Variants in UNC13C observed in about 807,000 individuals in gnomAD.
The protein encoded by UNC13C is unc-13 homolog C, also known as protein unc-13 homolog C.
In UNC13C, 174 loss-of-function variants were observed where a neutral mutation model predicts 245.4. The ratio of observed to expected loss-of-function variants is 0.71; its 90% CI spans 0.63 to 0.80. The LOEUF (loss-of-function observed/expected upper bound fraction) is 0.80. Among genes scored for constraint, UNC13C ranks in the 30% least tolerant of loss-of-function variants. The pLI is 0.00. For synonymous variants in UNC13C, 992 were observed against 895.1 expected, an observed-to-expected ratio of 1.11 and a Z score of -1.93; for missense variants, 2,829 against 2,602.9, an observed-to-expected ratio of 1.09 and a Z score of -1.89.
chr15:54,405,862 A>G (rs140161275), intron 18 of UNC13C, among the ~76,000 whole-genome samples: 2 of 152,290 alleles, frequency 1.3e-5, no homozygotes, highest in African/African-American at 4.8e-5. Flanking sequence ...ACTAAGTTAT[A>G]TTCTGGCTGC....
intron 25 of UNC13C, among the ~76,000 whole-genome samples, chr15:54,531,117 A>T (rs1241717948): frequency 1.3e-5 from 2 of 152,172 alleles, no homozygotes; most frequent in African/African-American, 4.8e-5. Flanking sequence ...GATGTTGAGT[A>T]TGAGAAACTC....
intron 18 of UNC13C, among the ~76,000 whole-genome samples, chr15:54,395,819 T>C (rs188553875): frequency 1.1e-3 from 174 of 151,888 alleles, no homozygotes; most frequent in African/African-American, 3.9e-3. Context: ...TGTTGACTAA[T>C]GTATATTCAG....
At chr15:53,895,381 T>TAA in the UNC13C span, among the ~76,000 whole-genome samples, 1 of 150,890 alleles carries the variant, frequency 6.6e-6, no homozygotes, top group African/African-American at 2.4e-5. Context: ...GAAAGAAATT[T>TAA]TGTGTCATGT....
At chr15:54,392,684 C>T (rs962548520) in intron 17 of UNC13C, among the ~76,000 whole-genome samples, 1 of 151,832 alleles carries the variant, frequency 6.6e-6, no homozygotes, top group African/African-American at 2.4e-5. Flanking sequence ...ATTCAATCTT[C>T]ATCCTTGGAA....
intron 32 of UNC13C, among the ~76,000 whole-genome samples, chr15:54,624,692 A>G (rs1901026237): frequency 6.6e-6 from 1 of 152,196 alleles, no homozygotes; most frequent in Admixed American, 6.6e-5. Flanking sequence ...GGCAATAGCT[A>G]TTAGTGACTA....
At chr15:53,892,002 T>C in the UNC13C span, among the ~76,000 whole-genome samples, 4 of 152,206 alleles carry the variant, frequency 2.6e-5, no homozygotes, top group Non-Finnish European at 4.4e-5. Flanking sequence ...CTGGTACCGG[T>C]TGTTCCTTTC....
At chr15:54,330,972 G>A (rs1318648507) in intron 14 of UNC13C, among the ~76,000 whole-genome samples, 2 of 151,950 alleles carry the variant, frequency 1.3e-5, no homozygotes, top group Non-Finnish European at 2.9e-5. Flanking sequence ...TCTGATGATG[G>A]CAGTTTATTC....
intron 19 of UNC13C, among the ~76,000 whole-genome samples, chr15:54,450,683 G>A (rs778281460): frequency 6.6e-6 from 1 of 152,212 alleles, no homozygotes; most frequent in East Asian, 1.9e-4. Context: ...GCTTTGCTTG[G>A]CTAGTAAAGG....
Position 54,546,782 on chromosome 15 carries a change from A to C in UNC13C, c.5757A>C (p.Leu1919Phe), listed in dbSNP as rs1293672136. The change falls in exon 27 of 33, where the codon TTA becomes TTC. Residue 1919 changes from leucine (L) to phenylalanine (F), a missense_variant. Leu to Phe is a conservative substitution (Grantham distance 22). Transcript: ENST00000260323. ...TCCTAAAGCGAGTTTTAAAAGAGTT[A>C]TGGAAGCTAGTTCTCAACAAAATAG... ...KTVLKRVLKE[L>F]WKLVLNKIEK... is the part of the protein sequence containing the mutation. 6.4e-7 allele frequency: 1 copy of C among 1,565,154 alleles called. No homozygotes were observed. Among genetic ancestry groups the C allele is most frequent in the East Asian group, 2.3e-5 (1 of 43,006 alleles).
the UNC13C span, among the ~76,000 whole-genome samples, chr15:53,929,048 G>A: frequency 2.0e-5 from 3 of 152,104 alleles, no homozygotes; most frequent in African/African-American, 7.2e-5. Context: ...CCTAAGACTG[G>A]GTAATTTATA....
At chr15:54,626,197 C>T (rs1174995150) in intron 32 of UNC13C, among the ~76,000 whole-genome samples, 4 of 152,058 alleles carry the variant, frequency 2.6e-5, no homozygotes, top group African/African-American at 9.7e-5. Context: ...CACTAACAAG[C>T]TGTCTTAGGT....
chr15:54,567,160 C>G (rs1180389796), intron 29 of UNC13C, among the ~76,000 whole-genome samples: 1 of 152,020 alleles, frequency 6.6e-6, no homozygotes, highest in Admixed American at 6.6e-5. Flanking sequence ...TATATCTTCT[C>G]TATTATCTTA....
intron 19 of UNC13C, among the ~76,000 whole-genome samples, chr15:54,430,684 G>C (rs75476538): frequency 6.6e-6 from 1 of 151,532 alleles, no homozygotes; most frequent in African/African-American, 2.4e-5. Context: ...GTTTAAATTT[G>C]CACTAACTGA....
At chr15:54,265,600 C>A in intron 10 of UNC13C, 104 bp downstream of exon 10, 1 of 901,950 alleles carries the variant, frequency 1.1e-6, no homozygotes, top group Non-Finnish European at 1.5e-6. Context: ...TTAATAATCT[C>A]TTACCCAAAA....
chr15:54,379,639 A>G (rs1444537141), intron 17 of UNC13C, among the ~76,000 whole-genome samples: 1 of 152,132 alleles, frequency 6.6e-6, no homozygotes, highest in Admixed American at 6.5e-5. Flanking sequence ...TAGTAGGTCT[A>G]CAATAGAGGC....
chr15:54,414,015 TATC>T (rs2040468442), intron 18 of UNC13C, among the ~76,000 whole-genome samples: 1 of 152,218 alleles, frequency 6.6e-6, no homozygotes, highest in Non-Finnish European at 1.5e-5. Flanking sequence ...TTAAGAGCCT[TATC>T]ATGAGACTGA....
chr15:54,096,327 T>C (rs981713869), intron 2 of UNC13C, among the ~76,000 whole-genome samples: 1 of 34,380 alleles, frequency 2.9e-5, no homozygotes. Flanking sequence ...ATGCTGCTCA[T>C]TTCTCTATTT....
At chr15:54,590,352 C>T (rs1898720350) in intron 30 of UNC13C, among the ~76,000 whole-genome samples, 1 of 152,134 alleles carries the variant, frequency 6.6e-6, no homozygotes, top group Non-Finnish European at 1.5e-5. Flanking sequence ...ATGGGAATTG[C>T]ATTGTATTTG....
chr15:53,911,807 A>G, the UNC13C span: 150,162 of 152,362 alleles, frequency 0.99, 74,033 homozygotes, highest in Middle Eastern at 1. Context: ...CTGTTTGATC[A>G]GAATATCTGG....
Sources: allele counts gnomAD v4.1 joint callset (sites outside exome capture counted in the v4.1 genomes callset), GRCh38; gene constraint gnomAD v4.1.1; transcripts MANE v1.5; gene names NCBI Gene and HGNC (gene_info 2026-07-23, HGNC 2026-07-21).